Variants in AGRN observed in about 807,000 individuals in gnomAD.
The protein encoded by AGRN is agrin.
In AGRN, 106 loss-of-function variants were observed where a neutral mutation model predicts 211.0. That is an observed-to-expected ratio of 0.50 (90% confidence interval 0.43 to 0.59). AGRN has a LOEUF of 0.59. AGRN is among the 20% of genes least tolerant of loss of function. The pLI is 0.00. For missense variants in AGRN, 3,040 were observed against 2,982.6 expected, an observed-to-expected ratio of 1.02 and a Z score of -0.45; for synonymous variants, 1,525 against 1,332.5, an observed-to-expected ratio of 1.14 and a Z score of -3.15.
chr1:1,034,823 G>T, intron 2 of AGRN: 1 of 638,844 alleles, frequency 1.6e-6, no homozygotes, highest in Non-Finnish European at 2.0e-6. Flanking sequence ...GGGATGGGAT[G>T]GGTCACTCTG....
At chr1:1,052,476 ATGTG>A (rs944356229) in intron 33 of AGRN, 3 of 274,672 alleles carry the variant, frequency 1.1e-5, no homozygotes, top group African/African-American at 2.3e-5. Context: ...GGCTCCATGT[ATGTG>A]TGTGTATATG....
At chr1:1,022,570 C>T in intron 2 of AGRN, 108 bp downstream of exon 2, 6 of 749,618 alleles carry the variant, frequency 8.0e-6, no homozygotes, top group South Asian at 4.1e-5. Context: ...GTGCCGGAGG[C>T]TGCAGCACAC....
In AGRN at chr1:1,040,231, C is replaced by A. The variant is rs9697633; in HGVS notation, c.512-434C>A. On this transcript the variant is annotated intron_variant, in intron 3 of 35. Coordinates refer to ENST00000379370, the MANE Select transcript of AGRN (RefSeq NM_198576.4). Reference sequence around the variant, plus strand: ...CATGGGGTGAATCGGTGAGGGGCTCCGGTGCCGATGTGGAAGGAGCTCCTG... The same window carrying A: ...CATGGGGTGAATCGGTGAGGGGCTCAGGTGCCGATGTGGAAGGAGCTCCTG... Among the ~76,000 whole-genome samples the A allele has an allele frequency of 2.6e-3, 394 of 152,302 alleles. 4 individuals are homozygous for A. The highest frequency in any genetic ancestry group is 1.7e-3 in the Non-Finnish European group (118 of 68,010).
Position 1,022,357 on chromosome 1 carries a change from G to T in AGRN, c.358G>T (p.Ala120Ser), listed in dbSNP as rs765443053. The T allele has an allele frequency of 6.2e-7, 1 of 1,613,338 alleles. No individual in the cohort carries two copies. Among genetic ancestry groups the T allele is most frequent in the Non-Finnish European group, 8.5e-7 (1 of 1,180,000 alleles). ...CACCAGGATCTTCTTTGTGAACCCT[G>T]CACCCCCATACCTGTGGCCAGCCCA... ...GDTRIFFVNPAPPYLWPAHKN... is the reference protein window; with the variant it reads ...GDTRIFFVNPSPPYLWPAHKN... Residue 120 changes from alanine to serine, a missense_variant, in exon 2 of 36, where the codon GCA becomes TCA. Ala to Ser is a moderately conservative substitution (Grantham distance 99). Coordinates refer to ENST00000379370, the MANE Select transcript of AGRN (RefSeq NM_198576.4).
Position 1,047,902 on chromosome 1 carries a change from G to C in AGRN, c.3751+7G>C, listed in dbSNP as rs780934260. Reference sequence around the variant, plus strand: ...GTGCGATTTATGGACTTTGGTGAGCGCCAGGCCACGAGCCACAGCTTACCT... The same window carrying C: ...GTGCGATTTATGGACTTTGGTGAGCCCCAGGCCACGAGCCACAGCTTACCT... On this transcript the variant is annotated splice_region_variant and intron_variant, in intron 22 of 35. Coordinates refer to ENST00000379370, the MANE Select transcript of AGRN (RefSeq NM_198576.4). The C allele has an allele frequency of 6.3e-7, 1 of 1,599,460 alleles. No individual in the cohort carries two copies. Among genetic ancestry groups the C allele is most frequent in the Non-Finnish European group, 8.5e-7 (1 of 1,174,380 alleles).
chr1:1,049,590 C>T lies in AGRN; in HGVS notation c.4539C>T (p.Gly1513=), dbSNP rs760796555. 1.5e-5 allele frequency: 24 copies of T among 1,590,132 alleles called. No individual in the cohort carries two copies. The East Asian group carries it at 2.5e-4, about 17-fold the overall frequency. Residue 1513 remains glycine (G), a synonymous_variant, in exon 26 of 36, where the codon GGC becomes GGT. Transcript: ENST00000379370. ...AAVALERTFV[G]AGLRGCIRLL... Reference sequence around the variant, plus strand: ...GGGCGCTGGAGCGGACCTTCGTGGGCGCCGGCCTGAGGGGGTGCATCCGTT... The same window carrying T: ...GGGCGCTGGAGCGGACCTTCGTGGGTGCCGGCCTGAGGGGGTGCATCCGTT...
chr1:1,049,261 G>T lies in AGRN; in HGVS notation c.4324G>T (p.Val1442Leu). ...GTTTGACACAGGTTCGGGGCCGGCGGTGCTGACCAGTGCCGTGCCGGTAGA... is the reference window on the plus strand; with the variant it reads ...GTTTGACACAGGTTCGGGGCCGGCGTTGCTGACCAGTGCCGTGCCGGTAGA... Reference protein sequence around the residue: ...LRFDTGSGPAVLTSAVPVEPG... With the variant: ...LRFDTGSGPALLTSAVPVEPG... The change falls in exon 25 of 36, where the codon GTG becomes TTG. Residue 1442 changes from valine (V) to leucine (L), a missense_variant. By Grantham distance (32) the Val-to-Leu change is conservative (BLOSUM62 1). This residue lies in a region of AGRN where 1,537 missense variants were observed against 1,505.0 expected (regional missense o/e 1.02). Transcript: ENST00000379370. 6.3e-7 allele frequency: 1 copy of T among 1,592,496 alleles called. No homozygotes were observed. Among genetic ancestry groups the T allele is most frequent in the Non-Finnish European group, 8.5e-7 (1 of 1,176,232 alleles).
chr1:1,055,414 T>C lies in AGRN; in HGVS notation c.*433T>C. 3.1e-6 allele frequency: 1 copy of C among 327,864 alleles called. No homozygotes were observed. The highest frequency in any genetic ancestry group is 6.0e-6 in the Non-Finnish European group (1 of 167,528). 20.3% of individuals were successfully genotyped at this position (327,864 alleles called of 1,614,324 possible). Reference sequence around the variant, plus strand: ...CCCCCATTTGAGCTGCTCCTTCCTGTGTGTGCTCTGGGCCCTGCCTCGGCC... The same window carrying C: ...CCCCCATTTGAGCTGCTCCTTCCTGCGTGTGCTCTGGGCCCTGCCTCGGCC... On this transcript the variant is annotated 3_prime_UTR_variant, in exon 36 of 36. Transcript: ENST00000379370.
Position 1,046,608 on chromosome 1 carries a change from GC to G in AGRN, c.3129del (p.Thr1044ArgfsTer28). ...CCACCGTGTGGCCCGTGCTGACGGT[GC>G]CCCCCACGGCACCCTCCCCTGCACC... ...RTTVWPVLTVPPTAPSPAPSL... is the reference protein window; with the variant it reads ...RTTVWPVLTVXPTAPSPAPSL... On this transcript the variant is annotated frameshift_variant, in exon 18 of 36. Transcript: ENST00000379370. LOFTEE classifies it high-confidence loss of function. The G allele has an allele frequency of 1.2e-6, 2 of 1,604,054 alleles. No individual in the cohort carries two copies.
chr1:1,047,806 G>T lies in AGRN; in HGVS notation c.3662G>T (p.Arg1221Leu), dbSNP rs764139323. 1.2e-6 allele frequency: 2 copies of T among 1,603,772 alleles called. No homozygotes were observed. Among genetic ancestry groups the T allele is most frequent in the African/African-American group, 2.7e-5 (2 of 74,728 alleles). Residue 1221 changes from arginine to leucine, a missense_variant, in exon 22 of 36, where the codon CGG becomes CTG. This residue lies in a region of AGRN where 1,537 missense variants were observed against 1,505.0 expected (regional missense o/e 1.02). Coordinates refer to ENST00000379370, the MANE Select transcript of AGRN (RefSeq NM_198576.4). ...TTAFRAPDVA[R>L]ALLRQIQVSR... ...GCCTTCAGGGCACCCGACGTGGCCC[G>T]GGCCCTGCTCCGGCAGATCCAGGTG... is the stretch of plus-strand genomic sequence containing the variant.
chr1:1,027,222 CTGCGTGTG>C (rs1644540215), intron 2 of AGRN, among the ~76,000 whole-genome samples: 2 of 152,236 alleles, frequency 1.3e-5, no homozygotes, highest in Admixed American at 1.3e-4. Flanking sequence ...GCTGTGTGGC[CTGCGTGTG>C]TGCATGTGTT....
At chr1:1,052,071 C>T in intron 33 of AGRN, 1 of 1,469,852 alleles carries the variant, frequency 6.8e-7, no homozygotes, top group South Asian at 1.2e-5. Flanking sequence ...TCCATCCTTC[C>T]TGGTGGGGAG....
At chr1:1,040,316 C>T (rs2100627312) in intron 3 of AGRN, among the ~76,000 whole-genome samples, 1 of 152,304 alleles carries the variant, frequency 6.6e-6, no homozygotes, top group South Asian at 2.1e-4. Context: ...CTCTGCTTTT[C>T]GCTGGAGGCC....
In AGRN at chr1:1,049,282, G is replaced by T; in HGVS notation, c.4345G>T (p.Val1449Leu). ...GPAVLTSAVP[V>L]EPGQWHRLEL... ...GGCGGTGCTGACCAGTGCCGTGCCG[G>T]TAGAGCCGGGCCAGTGGCACCGCCT... Residue 1449 changes from valine to leucine, a missense_variant, in exon 25 of 36, where the codon GTA (valine) becomes TTA (leucine). Physicochemically the swap from Val to Leu is conservative, Grantham distance 32. Coordinates refer to ENST00000379370, the MANE Select transcript of AGRN (RefSeq NM_198576.4). The T allele has an allele frequency of 6.3e-7, 1 of 1,596,160 alleles. No individual in the cohort carries two copies. The highest frequency in any genetic ancestry group is 1.7e-4 in the Middle Eastern group (1 of 6,054).
intron 3 of AGRN, among the ~76,000 whole-genome samples, chr1:1,035,561 C>A (rs1039785424): frequency 2.0e-5 from 3 of 152,258 alleles, no homozygotes; most frequent in African/African-American, 4.8e-5. Flanking sequence ...GGGCCTCAGC[C>A]CCCTCAGCCT....
Position 1,043,555 on chromosome 1 carries a change from C to G in AGRN, c.1621C>G (p.Arg541Gly). The change falls in exon 9 of 36, where the codon CGC becomes GGC. Residue 541 changes from arginine to glycine, a missense_variant. Arg to Gly is a moderately radical substitution (Grantham distance 125, BLOSUM62 -2). Coordinates refer to ENST00000379370, the MANE Select transcript of AGRN (RefSeq NM_198576.4). ...KGPCDRCGQCRFGALCEAETG... is the reference protein window; with the variant it reads ...KGPCDRCGQCGFGALCEAETG... The stretch of plus-strand genomic sequence containing the variant: ...CTCCCCAGACCGCTGCGGGCAGTGC[C>G]GCTTTGGAGCCCTGTGCGAGGCCGA... The G allele has an allele frequency of 6.2e-7, 1 of 1,604,912 alleles. No homozygotes were observed. The highest frequency in any genetic ancestry group is 8.5e-7 in the Non-Finnish European group (1 of 1,179,798).
rs977102412 is a variant in AGRN, at chr1:1,053,740, C to T, written c.5652-13C>T. On this transcript the variant is annotated splice_polypyrimidine_tract_variant and intron_variant, in intron 33 of 35. Transcript: ENST00000379370. Reference sequence around the variant, plus strand: ...ACCTTCCTAGAGGCCCTGACCTGCCCTCTGCCCTCCAGCGAGAAGGCACTG... The same window carrying T: ...ACCTTCCTAGAGGCCCTGACCTGCCTTCTGCCCTCCAGCGAGAAGGCACTG... 5.7e-6 allele frequency: 9 copies of T among 1,586,904 alleles called. No homozygotes were observed. Among genetic ancestry groups the T allele is most frequent in the Admixed American group, 1.8e-5 (1 of 55,484 alleles).
chr1:1,050,324 C>A lies in AGRN; in HGVS notation c.4971C>A (p.Asp1657Glu). 6.2e-7 allele frequency: 1 copy of A among 1,612,860 alleles called. No individual in the cohort carries two copies. Among genetic ancestry groups the A allele is most frequent in the Non-Finnish European group, 8.5e-7 (1 of 1,179,906 alleles). Reference protein sequence around the residue: ...ELRGLHTFARDLGEKMALEVV... With the variant: ...ELRGLHTFARELGEKMALEVV... ...GAGGCCTGCACACCTTTGCACGGGA[C>A]CTGGGGTCGGTGGGGCAGGAGCAGG... The change falls in exon 28 of 36, where the codon GAC (aspartate) becomes GAA (glutamate). Residue 1657 changes from aspartate to glutamate, a missense_variant. Physicochemically the swap from Asp to Glu is conservative, Grantham distance 45. Around this residue, in one of 3 missense-constraint regions of AGRN, gnomAD observed 1,537 missense variants for 1,505.0 expected, o/e 1.02. Coordinates refer to ENST00000379370, the MANE Select transcript of AGRN (RefSeq NM_198576.4).
Position 1,040,859 on chromosome 1 carries a change from C to G in AGRN, c.706C>G (p.Leu236Val). ...GTGCAGCCAGCAGCGCCGCATCCGCCTGCTCAGCCGCGGGCCGTGCGGTGA... is the reference window on the plus strand; with the variant it reads ...GTGCAGCCAGCAGCGCCGCATCCGCGTGCTCAGCCGCGGGCCGTGCGGTGA... ...AQCSQQRRIRLLSRGPCGSRD... is the reference protein window; with the variant it reads ...AQCSQQRRIRVLSRGPCGSRD... Residue 236 changes from leucine to valine, a missense_variant, in exon 4 of 36, where the codon CTG becomes GTG. Physicochemically the swap from Leu to Val is conservative, Grantham distance 32. This residue lies in a region of AGRN where 1,498 missense variants were observed against 1,457.8 expected (regional missense o/e 1.03). Coordinates refer to ENST00000379370, the MANE Select transcript of AGRN (RefSeq NM_198576.4). The G allele has an allele frequency of 6.5e-7, 1 of 1,528,512 alleles. No individual in the cohort carries two copies. Among genetic ancestry groups the G allele is most frequent in the Non-Finnish European group, 8.7e-7 (1 of 1,144,200 alleles). The allele number at this position is 1,528,512 out of a possible 1,614,324, so 94.7% of individuals were successfully genotyped here.
Sources: gnomAD v4.1 joint callset for allele counts (sites outside exome capture counted in the v4.1 genomes callset) on GRCh38, gnomAD v4.1.1 for gene constraint, gnomAD v4.1.1 regional missense constraint, MANE v1.5 for transcripts, NCBI Gene and HGNC (gene_info 2026-07-23, HGNC 2026-07-21) for gene names.